TLN2: variants seen among roughly 807,000 people sequenced by gnomAD.
TLN2 encodes talin 2.
In TLN2, 118 loss-of-function variants were observed where a neutral mutation model predicts 294.7. That is an observed-to-expected ratio of 0.40 (90% CI 0.34 to 0.47). The LOEUF (loss-of-function observed/expected upper bound fraction) is 0.47. Ranked by LOEUF, TLN2 falls within the 20% of genes least tolerant of loss-of-function variation. TLN2 has a pLI of 0.84. For missense variants in TLN2, 3,083 were observed against 3,282.2 expected (o/e 0.94, Z 1.48); for synonymous variants, 1,431 against 1,304.5 (o/e 1.10, Z -2.09).
chr15:62,418,524 A>T (rs994588688), intron 1 of TLN2, among the ~76,000 whole-genome samples: 16 of 152,190 alleles, frequency 1.1e-4, no homozygotes, highest in African/African-American at 3.9e-4. Context: ...TTTTATTCAA[A>T]TTTAAAACTA....
In TLN2 at chr15:62,498,207, A is replaced by G. The variant is rs2039120778; in HGVS notation, c.-237-91480A>G. 5.3e-5 allele frequency among the ~76,000 whole-genome samples: 8 copies of G among 152,156 alleles called. No homozygotes were observed. The South Asian group carries it at 1.7e-3, about 32-fold the overall frequency. ...AAGTCTGGAATTTTATACCTGTTAA[A>G]AATATAAATAAGAATTAGATTTTTA... On this transcript the variant is annotated intron_variant, in intron 1 of 58. Transcript: ENST00000636159.
At chr15:62,643,786 A>G (rs1016697433) in intron 3 of TLN2, among the ~76,000 whole-genome samples, 1 of 152,094 alleles carries the variant, frequency 6.6e-6, no homozygotes, top group African/African-American at 2.4e-5. Flanking sequence ...CTCTGCACCC[A>G]GGGTCCTTTC....
At chr15:62,736,193 A>G (rs560360974) in intron 28 of TLN2, among the ~76,000 whole-genome samples, 1 of 151,972 alleles carries the variant, frequency 6.6e-6, no homozygotes, top group South Asian at 2.1e-4. Flanking sequence ...GGTGATGGGC[A>G]TCTGTAGTCC....
chr15:62,461,189 C>T (rs1237564086), intron 1 of TLN2, among the ~76,000 whole-genome samples: 1 of 152,128 alleles, frequency 6.6e-6, no homozygotes, highest in Non-Finnish European at 1.5e-5. Context: ...CGTGATCCGC[C>T]TGCGTCGGCC....
chr15:62,562,927 C>G (rs1323720815), intron 1 of TLN2, among the ~76,000 whole-genome samples: 1 of 132,178 alleles, frequency 7.6e-6, no homozygotes, highest in East Asian at 2.0e-4. Context: ...CACACACACA[C>G]ACACACACAC....
intron 1 of TLN2, among the ~76,000 whole-genome samples, chr15:62,424,468 G>C (rs2034588822): frequency 6.6e-6 from 1 of 152,108 alleles, no homozygotes; most frequent in African/African-American, 2.4e-5. Context: ...CAAGAACACT[G>C]TACTTGTCTG....
At chr15:62,783,670 A>C (rs1260228904) in intron 44 of TLN2, 101 bp from the exon 45 acceptor site, 3 of 1,461,252 alleles carry the variant, frequency 2.1e-6, no homozygotes, top group Non-Finnish European at 2.7e-6. Context: ...AAAGTGAATG[A>C]AACCCTTTGG....
At position 62,833,559 on chromosome 15, in the gene TLN2, T is replaced by C. The variant is rs757061448; in HGVS notation, c.7058T>C (p.Ile2353Thr). ...EEQILEAAKS[I>T]AAATSALVKS... ...CAGATCTTGGAAGCTGCTAAATCCA[T>C]TGCTGCTGCCACAAGCGCCCTGGTC... Residue 2353 changes from isoleucine to threonine, a missense_variant, in exon 55 of 59, where the codon ATT (isoleucine) becomes ACT (threonine). Ile to Thr is a moderately conservative substitution (Grantham distance 89). Transcript: ENST00000636159. 21 of 1,614,034 alleles carry C rather than the reference T, an allele frequency of 1.3e-5. No homozygotes were observed. Among genetic ancestry groups the C allele is most frequent in the Non-Finnish European group, 1.6e-5 (19 of 1,180,020 alleles).
At chr15:62,462,303 C>T (rs1381650879) in intron 1 of TLN2, among the ~76,000 whole-genome samples, 1 of 152,102 alleles carries the variant, frequency 6.6e-6, no homozygotes, top group East Asian at 1.9e-4. Flanking sequence ...GAAGAAGGAG[C>T]ACCAGTGTGG....
intron 3 of TLN2, among the ~76,000 whole-genome samples, chr15:62,640,792 T>C (rs1276359336): frequency 6.6e-6 from 1 of 152,120 alleles, no homozygotes; most frequent in African/African-American, 2.4e-5. Flanking sequence ...TGTTTATTTA[T>C]TTTTAACTTT....
intron 2 of TLN2, among the ~76,000 whole-genome samples, chr15:62,602,472 G>T (rs2047081346): frequency 6.6e-6 from 1 of 152,130 alleles, no homozygotes; most frequent in African/African-American, 2.4e-5. Flanking sequence ...GTACAGTATT[G>T]TCAGGGATCC....
At position 62,499,834 on chromosome 15, in the gene TLN2, C is replaced by G. The variant is rs145079465; in HGVS notation, c.-237-89853C>G. Among the ~76,000 whole-genome samples the G allele has an allele frequency of 7.3e-3, 1,105 of 152,212 alleles. 11 individuals are homozygous for G. Among genetic ancestry groups the G allele is most frequent in the African/African-American group, 0.024 (1,012 of 41,538 alleles). Reference sequence around the variant, plus strand: ...GTCAGGCTAGTCTCGAACTCCCGACCTCAGGTGATCTGCCCGCCTGGACTT... The same window carrying G: ...GTCAGGCTAGTCTCGAACTCCCGACGTCAGGTGATCTGCCCGCCTGGACTT... On this transcript the variant is annotated intron_variant, in intron 1 of 58. Transcript: ENST00000636159.
intron 45 of TLN2, among the ~76,000 whole-genome samples, chr15:62,790,364 C>T (rs1004397910): frequency 1.3e-5 from 2 of 152,068 alleles, no homozygotes; most frequent in Admixed American, 6.6e-5. Flanking sequence ...GCTGCTAAGT[C>T]GAAAAATCAA....
At chr15:62,772,064 G>C (rs1024484601) in intron 42 of TLN2, among the ~76,000 whole-genome samples, 3 of 151,844 alleles carry the variant, frequency 2.0e-5, no homozygotes, top group Non-Finnish European at 4.4e-5. Context: ...AGTAGCTGGG[G>C]CCACAAGCAC....
intron 21 of TLN2, among the ~76,000 whole-genome samples, chr15:62,709,685 T>G (rs1426565079): frequency 6.6e-6 from 1 of 152,162 alleles, no homozygotes; most frequent in African/African-American, 2.4e-5. Flanking sequence ...TTCCCGAAAT[T>G]CATAACCTTT....
chr15:62,670,689 C>T (rs1487017231), intron 9 of TLN2, among the ~76,000 whole-genome samples: 1 of 152,138 alleles, frequency 6.6e-6, no homozygotes, highest in Non-Finnish European at 1.5e-5. Flanking sequence ...TATGGAGAAA[C>T]CACATTTTAT....
Position 62,414,164 on chromosome 15 carries a change from C to CAATATATATATATATATATATATATATA in TLN2, c.-238+23479_-238+23480insAATATATATATATATATATATATATATA, listed in dbSNP as rs1273620699. Among the ~76,000 whole-genome samples, 74 of 90,610 alleles carry CAATATATATATATATATATATATATATA rather than the reference C, an allele frequency of 8.2e-4. 2 individuals carry two copies. The highest frequency in any genetic ancestry group is 2.5e-3 in the South Asian group (4 of 1,586). The allele number at this position is 90,610 out of a possible 152,430, so 59.4% of individuals were successfully genotyped here. ...AGTGAAGTGTTAGCAAAAAAAAAAACTATATATATATATATATATATATAT... is the reference window on the plus strand; with the variant it reads ...AGTGAAGTGTTAGCAAAAAAAAAAACAATATATATATATATATATATATATATATATATATATATATATATATATATAT... On this transcript the variant is annotated intron_variant, in intron 1 of 58. Coordinates refer to ENST00000636159, the MANE Select transcript of TLN2 (RefSeq NM_015059.3).
rs565237360 is a variant in TLN2, at chr15:62,713,356, T to G, written c.2634+1279T>G. Reference sequence around the variant, plus strand: ...CTCCCTGGCTTTGGGAATTGGTATCTCAACCTAATATGTGTGTTACTTCAC... The same window carrying G: ...CTCCCTGGCTTTGGGAATTGGTATCGCAACCTAATATGTGTGTTACTTCAC... On this transcript the variant is annotated intron_variant, in intron 22 of 58. Coordinates refer to ENST00000636159, the MANE Select transcript of TLN2 (RefSeq NM_015059.3). 4.6e-5 allele frequency among the ~76,000 whole-genome samples: 7 copies of G among 151,706 alleles called. No individual in the cohort carries two copies. The South Asian group carries it at 1.5e-3, about 32-fold the overall frequency.
rs2141275836 is a variant in TLN2 at position 62,841,722 on chromosome 15, A to G, written c.*1112A>G. On this transcript the variant is annotated 3_prime_UTR_variant, in exon 59 of 59. Coordinates refer to ENST00000636159, the MANE Select transcript of TLN2 (RefSeq NM_015059.3). ...ATTTTCTGGATGTCACACTTCCAGA[A>G]TTTCATATTTTTCCCCTCTTTTCTT... 1 of 152,260 alleles carries G rather than the reference A, an allele frequency of 6.6e-6. No homozygotes were observed. The highest frequency in any genetic ancestry group is 2.1e-4 in the South Asian group (1 of 4,828). 9.4% of individuals were successfully genotyped at this position (152,260 alleles called of 1,614,324 possible). A position where few individuals can be genotyped will look rare whatever the true frequency, so the allele number is the denominator to read the frequency against.
Sources: allele counts gnomAD v4.1 joint callset (sites outside exome capture counted in the v4.1 genomes callset), GRCh38; gene constraint gnomAD v4.1.1; transcripts MANE v1.5; gene names NCBI Gene and HGNC (gene_info 2026-07-23, HGNC 2026-07-21).